Variants in DHRSX observed in about 807,000 individuals in gnomAD.
DHRSX encodes polyprenol dehydrogenase.
A neutral mutation model predicts 34.0 loss-of-function variants in DHRSX; 31 were observed. The ratio of observed to expected loss-of-function variants is 0.91; its 90% CI spans 0.69 to 1.23. The LOEUF is 1.23. Among genes scored for constraint, DHRSX ranks in the 50% most tolerant of loss-of-function variants. The pLI is 0.00. For synonymous variants in DHRSX, 201 were observed against 183.8 expected (o/e 1.09, Z -0.76); for missense variants, 414 against 428.1 (o/e 0.97, Z 0.29).
At chrX:2,416,602 T>A (rs1454405220) in intron 2 of DHRSX, among the ~76,000 whole-genome samples, 2 of 152,122 alleles carry the variant, frequency 1.3e-5, no homozygotes, top group African/African-American at 4.8e-5. Flanking sequence ...GAGAAACATA[T>A]GAACACATTT....
intron 3 of DHRSX, among the ~76,000 whole-genome samples, chrX:2,399,128 A>ACCAGGGTGGAAGG (rs113075736): frequency 6.6e-6 from 1 of 151,710 alleles, no homozygotes; most frequent in Admixed American, 6.6e-5. Flanking sequence ...TTGGAAGGTT[A>ACCAGGGTGGAAGG]TTACCACCCT....
chrX:2,330,210 GT>G (rs2042447795), intron 3 of DHRSX, among the ~76,000 whole-genome samples: 1 of 144,472 alleles, frequency 6.9e-6, no homozygotes. Flanking sequence ...GGAAGAGGAG[GT>G]GAAGGAGAAG....
chrX:2,221,746 T>C (rs1465107231), intron 6 of DHRSX, among the ~76,000 whole-genome samples: 1 of 152,122 alleles, frequency 6.6e-6, no homozygotes, highest in Non-Finnish European at 1.5e-5. Flanking sequence ...AAAAAGGAAC[T>C]TGAGATGCAG....
In DHRSX at chrX:2,240,959, T is replaced by C. The variant is rs1018181315; in HGVS notation, c.804+2064A>G. Among the ~76,000 whole-genome samples, 24 of 152,026 alleles carry C rather than the reference T, an allele frequency of 1.6e-4. 1 individual carries two copies. The highest frequency in any genetic ancestry group is 1.3e-4 in the Non-Finnish European group (9 of 67,932). On this transcript the variant is annotated intron_variant, in intron 6 of 6. Coordinates refer to ENST00000334651, the MANE Select transcript of DHRSX (RefSeq NM_145177.3). ...CTTCGGGAGACCGAGGCGGGCAGAT[T>C]ACTTGAGGTAGGTCAGGAGTTCGAG...
intron 1 of DHRSX, among the ~76,000 whole-genome samples, chrX:2,482,161 T>C (rs916844494): frequency 6.7e-6 from 1 of 149,118 alleles, no homozygotes; most frequent in South Asian, 2.1e-4. Flanking sequence ...AGCATCTCTC[T>C]CCTTGTTGCA....
chrX:2,389,363 G>A (rs2043308484), intron 3 of DHRSX, among the ~76,000 whole-genome samples: 3 of 152,088 alleles, frequency 2.0e-5, no homozygotes, highest in African/African-American at 7.2e-5. Context: ...TCCTGCCCTG[G>A]GCTGAATCCC....
At chrX:2,256,649 A>G (rs1457452190) in intron 5 of DHRSX, among the ~76,000 whole-genome samples, 1 of 152,156 alleles carries the variant, frequency 6.6e-6, no homozygotes, top group Non-Finnish European at 1.5e-5. Context: ...AAACTCTTGG[A>G]TTTTTGGAAT....
At chrX:2,256,861 A>G (rs971625276) in intron 5 of DHRSX, among the ~76,000 whole-genome samples, 13 of 151,934 alleles carry the variant, frequency 8.6e-5, no homozygotes, top group African/African-American at 3.1e-4. Flanking sequence ...AATTCCCCCA[A>G]AGACCTTCTC....
intron 3 of DHRSX, among the ~76,000 whole-genome samples, chrX:2,314,477 G>GGGGA (rs1201403305): frequency 2.5e-5 from 3 of 121,844 alleles, no homozygotes; most frequent in Non-Finnish European, 4.9e-5. Flanking sequence ...GGAGAAGGAA[G>GGGGA]GAAGGAAGGA....
chrX:2,483,789 CAAA>C lies in DHRSX; in HGVS notation c.109+17025_109+17027del, dbSNP rs111577835. Among the ~76,000 whole-genome samples, 442 of 110,404 alleles carry C rather than the reference CAAA, an allele frequency of 4.0e-3. 1 individual carries two copies. Among genetic ancestry groups the C allele is most frequent in the African/African-American group, 0.012 (401 of 32,920 alleles). The allele number at this position is 110,404 out of a possible 152,430, so 72.4% of individuals were successfully genotyped here. On this transcript the variant is annotated intron_variant, in intron 1 of 6. Transcript: ENST00000334651. ...TCGAGAAAAAAAAGGGAAAAAGTGGCAAAAAAAAAAAAAAAAAAAAGTAGTTTC... is the reference window on the plus strand; with the variant it reads ...TCGAGAAAAAAAAGGGAAAAAGTGGCAAAAAAAAAAAAAAAAAGTAGTTTC...
intron 1 of DHRSX, among the ~76,000 whole-genome samples, chrX:2,474,375 C>G (rs2044640996): frequency 6.6e-6 from 1 of 152,034 alleles, no homozygotes; most frequent in African/African-American, 2.4e-5. Flanking sequence ...CAAGGGACCA[C>G]TGCCATGTAC....
At chrX:2,267,309 C>T (rs2041488244) in intron 4 of DHRSX, among the ~76,000 whole-genome samples, 1 of 151,990 alleles carries the variant, frequency 6.6e-6, no homozygotes, top group Non-Finnish European at 1.5e-5. Context: ...TTTGGGAGGC[C>T]AAGGCGGGTG....
chrX:2,323,179 A>G (rs1015665409), intron 3 of DHRSX, among the ~76,000 whole-genome samples: 3 of 152,198 alleles, frequency 2.0e-5, no homozygotes, highest in Non-Finnish European at 4.4e-5. Flanking sequence ...ACCCAAAGTT[A>G]TCCAACCAAC....
At chrX:2,411,136 A>G (rs1205468657) in intron 2 of DHRSX, among the ~76,000 whole-genome samples, 1 of 152,100 alleles carries the variant, frequency 6.6e-6, no homozygotes, top group Non-Finnish European at 1.5e-5. Flanking sequence ...AGTCAAGGTA[A>G]CCTTTACACT....
chrX:2,444,175 C>T (rs1308574179), intron 1 of DHRSX, among the ~76,000 whole-genome samples: 1 of 152,018 alleles, frequency 6.6e-6, no homozygotes, highest in Non-Finnish European at 1.5e-5. Flanking sequence ...TGTTTTTAGC[C>T]GTCTACTAAA....
intron 3 of DHRSX, among the ~76,000 whole-genome samples, chrX:2,407,786 G>A (rs7049766): frequency 6.6e-6 from 1 of 152,088 alleles, no homozygotes; most frequent in African/African-American, 2.4e-5. Context: ...AGGGTGGGAG[G>A]TGGAAGAGGA....
intron 4 of DHRSX, among the ~76,000 whole-genome samples, chrX:2,283,626 G>A (rs1195180516): frequency 6.6e-6 from 1 of 152,066 alleles, no homozygotes; most frequent in Non-Finnish European, 1.5e-5. Context: ...CTGCACCTCA[G>A]TCTTCTGTTG....
At chrX:2,435,212 G>A (rs759280821) in intron 1 of DHRSX, among the ~76,000 whole-genome samples, 7 of 152,166 alleles carry the variant, frequency 4.6e-5, no homozygotes, top group Non-Finnish European at 8.8e-5. Context: ...TGTGTGTTGC[G>A]GACAATGCTG....
intron 4 of DHRSX, among the ~76,000 whole-genome samples, chrX:2,282,844 GAGAGAGA>G (rs1454046277): frequency 8.0e-5 from 11 of 137,888 alleles, no homozygotes; most frequent in South Asian, 2.6e-4. Flanking sequence ...GAGAAAGGGA[GAGAGAGA>G]AGGGAGAAGG....
Sources: allele counts gnomAD v4.1 joint callset (sites outside exome capture counted in the v4.1 genomes callset), GRCh38; gene constraint gnomAD v4.1.1; transcripts MANE v1.5; gene names NCBI Gene and HGNC (gene_info 2026-07-23, HGNC 2026-07-21).